Variants in LRMDA observed in about 807,000 individuals in gnomAD.
LRMDA encodes the protein leucine-rich melanocyte differentiation-associated protein.
Under a neutral mutation model 29.8 loss-of-function variants are expected in LRMDA, and 18 were observed. The observed-to-expected ratio is 0.60, with a 90% CI of 0.42 to 0.90. The LOEUF (loss-of-function observed/expected upper bound fraction) is 0.90, where lower values mean the gene tolerates loss of function less well. Ranked by LOEUF, LRMDA falls within the 40% of genes least tolerant of loss-of-function variation. The probability of loss-of-function intolerance (pLI) is 0.00; values close to 1 mark genes in which losing one functional copy is unlikely to be tolerated. For missense variants in LRMDA, 273 were observed against 273.9 expected (o/e 1.00, Z 0.02); for synonymous variants, 125 against 109.4 (o/e 1.14, Z -0.89).
chr10:76,110,935 C>T lies in LRMDA; in HGVS notation c.516+52152C>T, dbSNP rs139178901. Reference sequence around the variant, plus strand: ...CCCACTGCCTACAGCCCAGCTCCATCTTATACCATCAGCATCCCTGTCCCT... The same window carrying T: ...CCCACTGCCTACAGCCCAGCTCCATTTTATACCATCAGCATCCCTGTCCCT... On this transcript the variant is annotated intron_variant, in intron 5 of 6. Coordinates refer to ENST00000611255, the MANE Select transcript of LRMDA (RefSeq NM_001305581.2). Among the ~76,000 whole-genome samples, 33 of 152,328 alleles carry T rather than the reference C, an allele frequency of 2.2e-4. 1 individual carries two copies. The highest frequency in any genetic ancestry group is 1.3e-3 in the Admixed American group (20 of 15,304).
At chr10:75,632,822 T>G (rs1589140982) in intron 2 of LRMDA, among the ~76,000 whole-genome samples, 1 of 147,314 alleles carries the variant, frequency 6.8e-6, no homozygotes, top group African/African-American at 2.5e-5. Flanking sequence ...CAAGAGTCTT[T>G]CCCCCAGTGT....
At chr10:75,957,910 C>T (rs904892838) in intron 2 of LRMDA, among the ~76,000 whole-genome samples, 3 of 152,172 alleles carry the variant, frequency 2.0e-5, no homozygotes, top group African/African-American at 7.2e-5. Flanking sequence ...TGACCTCTCC[C>T]TTACCAGACA....
chr10:75,728,669 T>C (rs1272411721), intron 2 of LRMDA, among the ~76,000 whole-genome samples: 1 of 152,112 alleles, frequency 6.6e-6, no homozygotes, highest in East Asian at 1.9e-4. Context: ...GGCAATGTGA[T>C]GGGAACCATG....
intron 5 of LRMDA, among the ~76,000 whole-genome samples, chr10:76,149,863 C>G (rs1430785761): frequency 6.6e-6 from 1 of 152,190 alleles, no homozygotes; most frequent in Non-Finnish European, 1.5e-5. Flanking sequence ...TGATCAGATC[C>G]TTCCCCATCA....
chr10:76,389,961 A>C (rs554068956), intron 6 of LRMDA, among the ~76,000 whole-genome samples: 2 of 152,318 alleles, frequency 1.3e-5, no homozygotes, highest in East Asian at 3.9e-4. Flanking sequence ...AGACCTATAG[A>C]TAAATCTTTG....
At chr10:76,328,356 G>A (rs1840862614) in intron 6 of LRMDA, among the ~76,000 whole-genome samples, 1 of 152,172 alleles carries the variant, frequency 6.6e-6, no homozygotes, top group African/African-American at 2.4e-5. Context: ...GTCTTTTGGG[G>A]AAAACATTTC....
At chr10:75,449,651 C>T (rs574242686) in intron 2 of LRMDA, among the ~76,000 whole-genome samples, 1 of 152,118 alleles carries the variant, frequency 6.6e-6, no homozygotes, top group Admixed American at 6.5e-5. Flanking sequence ...GCATTTCCTG[C>T]TCTCTCCCAT....
chr10:76,325,836 T>C (rs1840827607), intron 6 of LRMDA, among the ~76,000 whole-genome samples: 1 of 152,152 alleles, frequency 6.6e-6, no homozygotes. Flanking sequence ...AGGGCAAATA[T>C]CATCTGTCAT....
At chr10:76,181,845 A>T (rs963606037) in intron 5 of LRMDA, among the ~76,000 whole-genome samples, 2 of 152,178 alleles carry the variant, frequency 1.3e-5, no homozygotes, top group Non-Finnish European at 2.9e-5. Flanking sequence ...GTTGTCTAGA[A>T]ATTGAGAACA....
At chr10:76,030,264 G>A (rs557647024) in intron 2 of LRMDA, among the ~76,000 whole-genome samples, 21 of 151,974 alleles carry the variant, frequency 1.4e-4, no homozygotes, top group Admixed American at 3.9e-4. Context: ...GTGTGTGTGT[G>A]TATATATATG....
chr10:75,533,827 A>G (rs1362805826), intron 2 of LRMDA, among the ~76,000 whole-genome samples: 1 of 152,178 alleles, frequency 6.6e-6, no homozygotes, highest in Admixed American at 6.5e-5. Flanking sequence ...GAGAGTAACA[A>G]TTAATTGCAC....
intron 2 of LRMDA, among the ~76,000 whole-genome samples, chr10:75,475,859 A>G (rs190118645): frequency 6.6e-6 from 1 of 152,254 alleles, no homozygotes; most frequent in Non-Finnish European, 1.5e-5. Flanking sequence ...TTTCCCCCCA[A>G]TAGGCAGTGA....
At chr10:76,394,176 C>T (rs981903535) in intron 6 of LRMDA, among the ~76,000 whole-genome samples, 1 of 152,088 alleles carries the variant, frequency 6.6e-6, no homozygotes, top group Non-Finnish European at 1.5e-5. Context: ...TTTAAAAAGG[C>T]ATTCTCAGAA....
At chr10:76,199,565 G>A (rs1851391368) in intron 5 of LRMDA, among the ~76,000 whole-genome samples, 1 of 152,122 alleles carries the variant, frequency 6.6e-6, no homozygotes, top group African/African-American at 2.4e-5. Context: ...ACCATTATTA[G>A]TATTAACCCA....
chr10:76,071,959 C>A (rs1481027637), intron 5 of LRMDA, among the ~76,000 whole-genome samples: 1 of 152,102 alleles, frequency 6.6e-6, no homozygotes, highest in African/African-American at 2.4e-5. Context: ...ATGAATGCAG[C>A]CAGTTTCTAA....
chr10:75,467,917 C>T (rs1282795338), intron 2 of LRMDA, among the ~76,000 whole-genome samples: 1 of 150,944 alleles, frequency 6.6e-6, no homozygotes, highest in Non-Finnish European at 1.5e-5. Flanking sequence ...GCCGAGATCG[C>T]GTCACTGCAC....
chr10:76,536,522 T>C (rs1843293020), intron 6 of LRMDA, among the ~76,000 whole-genome samples: 2 of 152,170 alleles, frequency 1.3e-5, no homozygotes, highest in African/African-American at 4.8e-5. Flanking sequence ...TAGAGCATGT[T>C]CCCACCTTTC....
At chr10:76,367,934 C>G (rs1841410888) in intron 6 of LRMDA, among the ~76,000 whole-genome samples, 1 of 151,908 alleles carries the variant, frequency 6.6e-6, no homozygotes, top group African/African-American at 2.4e-5. Flanking sequence ...TTTCAGTGGT[C>G]TCAGTTGTAA....
At chr10:76,364,351 C>T (rs897204746) in intron 6 of LRMDA, among the ~76,000 whole-genome samples, 1 of 152,112 alleles carries the variant, frequency 6.6e-6, no homozygotes, top group African/African-American at 2.4e-5. Context: ...TTGTTTAGCA[C>T]TTTACCATTT....
Sources: gnomAD v4.1 joint callset for allele counts (sites outside exome capture counted in the v4.1 genomes callset) on GRCh38, gnomAD v4.1.1 for gene constraint, MANE v1.5 for transcripts, NCBI Gene and HGNC (gene_info 2026-07-23, HGNC 2026-07-21) for gene names.